Variants in DMD observed in about 807,000 individuals in gnomAD.
DMD encodes the protein dystrophin.
In DMD, 63 loss-of-function variants were observed where a neutral mutation model predicts 330.1. The observed-to-expected ratio is 0.19, with a 90% CI of 0.16 to 0.24. The LOEUF is 0.24. Among genes scored for constraint, DMD ranks in the 10% least tolerant of loss-of-function variants. The pLI is 1.00. For missense variants in DMD, 3,344 were observed against 2,684.1 expected (o/e 1.25, Z -5.43); for synonymous variants, 1,223 against 959.8 (o/e 1.27, Z -5.07).
chrX:32,786,510 T>G (rs2075371881), intron 7 of DMD, among the ~76,000 whole-genome samples: 1 of 111,545 alleles, frequency 9.0e-6, no homozygotes, highest in African/African-American at 3.3e-5. Flanking sequence ...ATCCTTCTAC[T>G]TTAATTATTT....
intron 29 of DMD, among the ~76,000 whole-genome samples, chrX:32,435,911 AAGTTTAGT>A (rs2148171590): frequency 1.8e-5 from 2 of 111,801 alleles, no homozygotes; most frequent in South Asian, 7.6e-4. Context: ...TCATTTCCTC[AAGTTTAGT>A]AGCATCCACT....
chrX:33,039,288 G>A (rs1266119287), intron 1 of DMD, among the ~76,000 whole-genome samples: 2 of 111,229 alleles, frequency 1.8e-5, no homozygotes, highest in East Asian at 5.7e-4. Context: ...GACTGCACTT[G>A]AGAATAAACT....
chrX:33,321,140 G>A (rs897319367), intron 1 of DMD, among the ~76,000 whole-genome samples: 2 of 111,394 alleles, frequency 1.8e-5, no homozygotes, highest in East Asian at 5.7e-4. Context: ...GACCTCCTCC[G>A]ATGAATCATG....
intron 42 of DMD, among the ~76,000 whole-genome samples, chrX:32,291,920 G>A (rs1283254681): frequency 8.9e-6 from 1 of 111,851 alleles, no homozygotes; most frequent in Non-Finnish European, 1.9e-5. Context: ...TGACTGAATG[G>A]CAAGCGTACC....
intron 29 of DMD, among the ~76,000 whole-genome samples, chrX:32,414,763 A>G (rs1287772892): frequency 8.9e-6 from 1 of 112,328 alleles, no homozygotes; most frequent in African/African-American, 3.2e-5. Context: ...TTTTTGTATT[A>G]AAAGTGTCAG....
At chrX:32,554,391 G>C (rs192921697) in intron 16 of DMD, among the ~76,000 whole-genome samples, 257 of 111,310 alleles carry the variant, frequency 2.3e-3, no homozygotes, top group African/African-American at 8.2e-3. Context: ...AGGAAGAAAA[G>C]AGAGAAGAAT....
intron 2 of DMD, among the ~76,000 whole-genome samples, chrX:33,008,926 A>ACATACTCATATATGTATATATACG (rs1569548755): frequency 1.7e-5 from 1 of 58,975 alleles, no homozygotes; most frequent in African/African-American, 5.1e-5. Context: ...GTATATATAC[A>ACATACTCATATATGTATATATACG]TGTATATATA....
At chrX:32,594,581 A>G (rs1569271614) in intron 13 of DMD, among the ~76,000 whole-genome samples, 1 of 111,445 alleles carries the variant, frequency 9.0e-6, no homozygotes, top group Non-Finnish European at 1.9e-5. Flanking sequence ...TCAGTCCAGT[A>G]TTAAACATAT....
At chrX:32,015,117 T>A (rs1043373212) in intron 44 of DMD, among the ~76,000 whole-genome samples, 5 of 111,735 alleles carry the variant, frequency 4.5e-5, no homozygotes, top group African/African-American at 1.6e-4. Flanking sequence ...GGGTCCTGCC[T>A]CCATAGATTC....
chrX:33,238,978 C>T (rs2052535639), intron 1 of DMD, among the ~76,000 whole-genome samples: 1 of 110,537 alleles, frequency 9.0e-6, no homozygotes, highest in African/African-American at 3.3e-5. Context: ...GAATACTGGC[C>T]GGGTGTGGTG....
intron 2 of DMD, among the ~76,000 whole-genome samples, chrX:32,971,612 T>C (rs1389270810): frequency 1.8e-5 from 2 of 111,720 alleles, no homozygotes; most frequent in Non-Finnish European, 3.8e-5. Flanking sequence ...TATTCATGAT[T>C]CTTCTCCCCA....
Position 31,831,755 on chromosome X carries a change from A to C in DMD, c.7200+4963T>G, listed in dbSNP as rs368352699. 3.6e-3 allele frequency among the ~76,000 whole-genome samples: 396 copies of C among 110,424 alleles called. 2 individuals are homozygous for C. The highest frequency in any genetic ancestry group is 5.4e-3 in the East Asian group (19 of 3,531). On this transcript the variant is annotated intron_variant, in intron 49 of 78. Transcript: ENST00000357033. ...CTGGGACTACAGATGCCTGCCACCA[A>C]GCCCGGCTAATTTTGTTTTTGTATT...
chrX:31,982,044 C>A (rs2095479283), intron 44 of DMD, among the ~76,000 whole-genome samples: 1 of 112,156 alleles, frequency 8.9e-6, no homozygotes, highest in South Asian at 3.7e-4. Flanking sequence ...TTAACAAAGA[C>A]AACGTGGAGG....
intron 47 of DMD, among the ~76,000 whole-genome samples, chrX:31,905,632 G>A (rs147405387): frequency 0.039 from 4,290 of 110,090 alleles, 80 homozygotes; most frequent in Non-Finnish European, 0.062. Flanking sequence ...GGGGAGAAAG[G>A]CAACAGAGAC....
intron 52 of DMD, among the ~76,000 whole-genome samples, chrX:31,725,448 T>C (rs1197087260): frequency 9.0e-6 from 1 of 111,443 alleles, no homozygotes; most frequent in Non-Finnish European, 1.9e-5. Flanking sequence ...TATTTTGCAT[T>C]AAGCCTTCAA....
At chrX:32,394,916 C>CAAAACAAAACAA (rs2098030291) in intron 30 of DMD, among the ~76,000 whole-genome samples, 7 of 39,059 alleles carry the variant, frequency 1.8e-4, no homozygotes, top group African/African-American at 5.5e-4. Context: ...AACAAAAAAA[C>CAAAACAAAACAA]AAAAAAAAAA....
intron 9 of DMD, among the ~76,000 whole-genome samples, chrX:32,657,027 G>T: frequency 9.1e-6 from 1 of 110,436 alleles, no homozygotes; most frequent in Non-Finnish European, 1.9e-5. Flanking sequence ...GTGTGTGTGT[G>T]TGTGTGTGTG....
chrX:32,761,664 G>T (rs575856501), intron 7 of DMD, among the ~76,000 whole-genome samples: 7 of 111,586 alleles, frequency 6.3e-5, no homozygotes, highest in African/African-American at 2.3e-4. Flanking sequence ...CGCTTTGAGG[G>T]AGGAGAGTAG....
intron 43 of DMD, among the ~76,000 whole-genome samples, chrX:32,277,041 G>A (rs1021572871): frequency 9.0e-6 from 1 of 111,640 alleles, no homozygotes; most frequent in Admixed American, 9.5e-5. Flanking sequence ...ACCTCAAGAA[G>A]CACTCTTCAC....
Sources: allele counts gnomAD v4.1 joint callset (sites outside exome capture counted in the v4.1 genomes callset), GRCh38; gene constraint gnomAD v4.1.1; transcripts MANE v1.5; gene names NCBI Gene and HGNC (gene_info 2026-07-23, HGNC 2026-07-21).